Variants in CTCF observed in about 807,000 individuals in gnomAD.
The protein encoded by CTCF is transcriptional repressor CTCF.
In CTCF, 7 loss-of-function variants were observed where a neutral mutation model predicts 72.3. That is an observed-to-expected ratio of 0.10 (90% confidence interval 0.06 to 0.18). CTCF has a LOEUF of 0.18. CTCF is among the 10% of genes least tolerant of loss of function. The probability of loss-of-function intolerance (pLI) is 1.00; values close to 1 mark genes in which losing one functional copy is unlikely to be tolerated. For synonymous variants in CTCF, 374 were observed against 315.8 expected, an observed-to-expected ratio of 1.18 and a Z score of -1.95; for missense variants, 516 against 949.1, an observed-to-expected ratio of 0.54 and a Z score of 6.00.
chr16:67,587,082 G>A (rs752232274), intron 2 of CTCF, among the ~76,000 whole-genome samples: 4 of 150,894 alleles, frequency 2.7e-5, no homozygotes, highest in Non-Finnish European at 5.9e-5. Flanking sequence ...TCATTTTAGG[G>A]TAGGTAACTT....
intron 2 of CTCF, among the ~76,000 whole-genome samples, chr16:67,599,649 AT>A (rs561082809): frequency 1.6e-3 from 236 of 152,236 alleles, no homozygotes; most frequent in South Asian, 1.4e-3. Flanking sequence ...GAATAATAAA[AT>A]TTTTTTATCT....
chr16:67,608,018 C>CAAAAAAA (rs549111284), intron 2 of CTCF, among the ~76,000 whole-genome samples: 39 of 105,794 alleles, frequency 3.7e-4, no homozygotes, highest in African/African-American at 8.2e-4. Flanking sequence ...GACTCCGACT[C>CAAAAAAA]AAAAAAAAAA....
intron 2 of CTCF, among the ~76,000 whole-genome samples, chr16:67,578,120 A>G (rs770967053): frequency 1.1e-4 from 16 of 152,118 alleles, no homozygotes; most frequent in Non-Finnish European, 2.1e-4. Context: ...TAATTGTGCT[A>G]TGGAAATTTT....
At chr16:67,612,334 TA>T in intron 4 of CTCF, 34 of 397,008 alleles carry the variant, frequency 8.6e-5, no homozygotes, top group East Asian at 1.4e-4. Flanking sequence ...CCCTCTCTCT[TA>T]AAAAAAAGAA....
At chr16:67,602,055 G>C (rs1267300007) in intron 2 of CTCF, among the ~76,000 whole-genome samples, 2 of 151,932 alleles carry the variant, frequency 1.3e-5, no homozygotes, top group Non-Finnish European at 2.9e-5. Flanking sequence ...GTAGAGATGG[G>C]GTTTCACCAT....
chr16:67,564,767 A>G (rs1199354232), intron 1 of CTCF, among the ~76,000 whole-genome samples: 1 of 152,184 alleles, frequency 6.6e-6, no homozygotes, highest in African/African-American at 2.4e-5. Context: ...TTCCCGGGTT[A>G]GTACTGTGCT....
rs560731617 is a variant in CTCF at position 67,596,054 on chromosome 16, A to G, written c.-9-14770A>G. 7.8e-4 allele frequency among the ~76,000 whole-genome samples: 118 copies of G among 152,138 alleles called. 1 individual carries two copies. The highest frequency in any genetic ancestry group is 6.9e-3 in the Admixed American group (106 of 15,256). On this transcript the variant is annotated intron_variant, in intron 2 of 11. Coordinates refer to ENST00000264010, the MANE Select transcript of CTCF (RefSeq NM_006565.4). ...CTGCAACCTCCACCTCCTGGGTTCA[A>G]GCAATTCTCCTGCCTCAGCCTCCCG...
chr16:67,587,858 TTTG>T (rs2051688638), intron 2 of CTCF, among the ~76,000 whole-genome samples: 1 of 152,070 alleles, frequency 6.6e-6, no homozygotes, highest in African/African-American at 2.4e-5. Context: ...TTGTAGTTTT[TTTG>T]TTGTTGTTTG....
At position 67,637,773 on chromosome 16, in the gene CTCF, G is replaced by C. The variant is rs192327027; in HGVS notation, c.2085G>C (p.Glu695Asp). ...AAGTAAAAAAAGAGCCAGATGCTGA[G>C]CCCGCAGAGGGAGAGGAAGAGGAGG... ...IVEVKKEPDAEPAEGEEEEAQ... is the reference protein window; with the variant it reads ...IVEVKKEPDADPAEGEEEEAQ... Residue 695 changes from glutamate to aspartate, a missense_variant, in exon 12 of 12, where the codon GAG becomes GAC. Around this residue, in one of 7 missense-constraint regions of CTCF, gnomAD observed 157 missense variants for 172.9 expected, o/e 0.91. Transcript: ENST00000264010. 2.5e-6 allele frequency: 4 copies of C among 1,613,518 alleles called. No individual in the cohort carries two copies. The highest frequency in any genetic ancestry group is 3.3e-5 in the Admixed American group (2 of 60,016).
At chr16:67,573,973 G>C (rs1024450900) in intron 2 of CTCF, among the ~76,000 whole-genome samples, 3 of 151,962 alleles carry the variant, frequency 2.0e-5, no homozygotes, top group Non-Finnish European at 4.4e-5. Context: ...GGAAGTTGCA[G>C]TGAGCCGAGA....
chr16:67,634,090 C>T (rs1383370412), intron 10 of CTCF, among the ~76,000 whole-genome samples: 1 of 152,170 alleles, frequency 6.6e-6, no homozygotes, highest in Non-Finnish European at 1.5e-5. Flanking sequence ...ATCCTGATAG[C>T]AAAAATTCCA....
intron 7 of CTCF, 56 bp downstream of exon 7, chr16:67,621,647 G>A (rs1448950434): frequency 2.0e-5 from 25 of 1,279,690 alleles, no homozygotes; most frequent in Non-Finnish European, 2.6e-5. Context: ...TTTATATTTC[G>A]AAATATGGGG....
chr16:67,576,462 A>T (rs2051498260), intron 2 of CTCF, among the ~76,000 whole-genome samples: 1 of 151,690 alleles, frequency 6.6e-6, no homozygotes, highest in Non-Finnish European at 1.5e-5. Context: ...TTCTTTTCTT[A>T]GATTAAAGCA....
At chr16:67,566,078 G>A (rs1331975162) in intron 1 of CTCF, among the ~76,000 whole-genome samples, 1 of 152,180 alleles carries the variant, frequency 6.6e-6, no homozygotes, top group Non-Finnish European at 1.5e-5. Context: ...TAATTTACCT[G>A]TCTTGGCTCC....
chr16:67,599,436 T>C (rs1456420312), intron 2 of CTCF, among the ~76,000 whole-genome samples: 1 of 151,972 alleles, frequency 6.6e-6, no homozygotes, highest in African/African-American at 2.4e-5. Context: ...GAAGAACTGA[T>C]CCATGCCCCC....
intron 2 of CTCF, among the ~76,000 whole-genome samples, chr16:67,593,674 G>A (rs1162112853): frequency 6.6e-6 from 1 of 152,106 alleles, no homozygotes; most frequent in African/African-American, 2.4e-5. Flanking sequence ...AGCTGCTAAT[G>A]TATTTCTTAC....
At chr16:67,576,647 G>A (rs1030312946) in intron 2 of CTCF, among the ~76,000 whole-genome samples, 5 of 139,844 alleles carry the variant, frequency 3.6e-5, no homozygotes, top group Admixed American at 7.8e-5. Context: ...TCCGCCTCCC[G>A]GCTTCACACC....
chr16:67,564,086 C>T (rs2051313422), intron 1 of CTCF: 1 of 152,180 alleles, frequency 6.6e-6, no homozygotes, highest in African/African-American at 2.4e-5. Context: ...AGTCTTCATA[C>T]TTTGAGTTTC....
chr16:67,615,256 T>C (rs867899426), intron 4 of CTCF: 1 of 152,438 alleles, frequency 6.6e-6, no homozygotes, highest in Non-Finnish European at 1.5e-5. Flanking sequence ...GCCACGCTTA[T>C]GCAGGCCTTT....
Sources: allele counts gnomAD v4.1 joint callset (sites outside exome capture counted in the v4.1 genomes callset), GRCh38; gene constraint gnomAD v4.1.1; regional missense constraint gnomAD v4.1.1; transcripts MANE v1.5; gene names NCBI Gene and HGNC (gene_info 2026-07-23, HGNC 2026-07-21).